LHFPL6: variants seen among roughly 807,000 people sequenced by gnomAD.
The protein encoded by LHFPL6 is LHFPL tetraspan subfamily member 6 protein.
Under a neutral mutation model 20.6 loss-of-function variants are expected in LHFPL6, and 9 were observed. The ratio of observed to expected loss-of-function variants is 0.44; its 90% CI spans 0.26 to 0.76. The LOEUF (loss-of-function observed/expected upper bound fraction) is 0.76. Among genes scored for constraint, LHFPL6 ranks in the 30% least tolerant of loss-of-function variants. The pLI, the probability that LHFPL6 is intolerant of heterozygous loss-of-function variation, is 0.20. For synonymous variants in LHFPL6, 105 were observed against 98.7 expected (o/e 1.06, Z -0.38); for missense variants, 218 against 253.5 (o/e 0.86, Z 0.95).
intron 2 of LHFPL6, among the ~76,000 whole-genome samples, chr13:39,498,619 C>G (rs1030143685): frequency 6.6e-6 from 1 of 152,200 alleles, no homozygotes; most frequent in Non-Finnish European, 1.5e-5. Context: ...GCCCAGCTCT[C>G]AAAGCGTAAA....
At chr13:39,492,962 G>C (rs973647961) in intron 2 of LHFPL6, among the ~76,000 whole-genome samples, 4 of 151,940 alleles carry the variant, frequency 2.6e-5, no homozygotes, top group Non-Finnish European at 4.4e-5. Context: ...TTATAGGTGT[G>C]AGCCACTGCG....
chr13:39,382,322 C>T (rs1411719494), intron 2 of LHFPL6, among the ~76,000 whole-genome samples: 1 of 152,206 alleles, frequency 6.6e-6, no homozygotes, highest in Non-Finnish European at 1.5e-5. Flanking sequence ...CAAACTTTGT[C>T]TCTTGCGTTC....
intron 2 of LHFPL6, among the ~76,000 whole-genome samples, chr13:39,424,927 T>C (rs1871598429): frequency 6.6e-6 from 1 of 152,264 alleles, no homozygotes. Flanking sequence ...AAGCAACATA[T>C]AATAAATGCC....
intron 3 of LHFPL6, among the ~76,000 whole-genome samples, chr13:39,373,734 T>C (rs1870218032): frequency 1.3e-5 from 2 of 152,168 alleles, no homozygotes; most frequent in South Asian, 4.2e-4. Context: ...CTTGCTTTTG[T>C]AAATAAAGTT....
At chr13:39,483,788 C>T (rs1027976954) in intron 2 of LHFPL6, among the ~76,000 whole-genome samples, 1 of 152,138 alleles carries the variant, frequency 6.6e-6, no homozygotes, top group Non-Finnish European at 1.5e-5. Context: ...CCAGCACTTG[C>T]TTGTGATTAT....
intron 2 of LHFPL6, among the ~76,000 whole-genome samples, 187 bp from the exon 3 acceptor site, chr13:39,378,713 G>GA (rs1212059869): frequency 5.3e-5 from 8 of 151,290 alleles, no homozygotes; most frequent in Admixed American, 1.3e-4. Context: ...CAGCTTAAAA[G>GA]AAAAAAAAAC....
intron 2 of LHFPL6, among the ~76,000 whole-genome samples, chr13:39,501,340 T>C (rs1869287728): frequency 1.3e-5 from 2 of 152,238 alleles, no homozygotes; most frequent in African/African-American, 4.8e-5. Flanking sequence ...CTTATTCTAT[T>C]ACTTTGCGCT....
chr13:39,561,381 T>A (rs1871477766), intron 2 of LHFPL6, among the ~76,000 whole-genome samples: 1 of 152,104 alleles, frequency 6.6e-6, no homozygotes, highest in Non-Finnish European at 1.5e-5. Flanking sequence ...GTTAATAAGA[T>A]CCCCACAACT....
chr13:39,555,500 T>C (rs1871279639), intron 2 of LHFPL6, among the ~76,000 whole-genome samples: 6 of 152,196 alleles, frequency 3.9e-5, no homozygotes, highest in Admixed American at 3.9e-4. Flanking sequence ...GCAAAGTCTC[T>C]CAATTTCTCT....
intron 2 of LHFPL6, among the ~76,000 whole-genome samples, chr13:39,409,678 G>A (rs73173498): frequency 0.088 from 13,403 of 151,968 alleles, 765 homozygotes; most frequent in South Asian, 0.2. Context: ...TACTTCTTAT[G>A]TTTCCTAAAG....
intron 2 of LHFPL6, among the ~76,000 whole-genome samples, chr13:39,448,669 T>C (rs545119419): frequency 2.0e-4 from 31 of 152,370 alleles, no homozygotes; most frequent in African/African-American, 6.7e-4. Context: ...ACAGAACTTT[T>C]GGTTGTCCAA....
At chr13:39,465,549 G>A (rs12583593) in intron 2 of LHFPL6, among the ~76,000 whole-genome samples, 23,757 of 152,074 alleles carry the variant, frequency 0.16, 3,458 homozygotes, top group East Asian at 0.51. Context: ...ACTGCCACCC[G>A]CAGTGCCGGG....
At chr13:39,552,308 C>T (rs1414110167) in intron 2 of LHFPL6, among the ~76,000 whole-genome samples, 3 of 152,148 alleles carry the variant, frequency 2.0e-5, no homozygotes, top group South Asian at 2.1e-4. Flanking sequence ...AGAACACACA[C>T]AACCATATTC....
At chr13:39,538,169 T>C (rs1870685407) in intron 2 of LHFPL6, among the ~76,000 whole-genome samples, 1 of 151,692 alleles carries the variant, frequency 6.6e-6, no homozygotes, top group South Asian at 2.1e-4. Flanking sequence ...TTTGTATTTT[T>C]AGTAGAGACG....
At chr13:39,542,787 T>C (rs1161158400) in intron 2 of LHFPL6, among the ~76,000 whole-genome samples, 2 of 152,274 alleles carry the variant, frequency 1.3e-5, no homozygotes, top group African/African-American at 2.4e-5. Flanking sequence ...GAGCCCGTTA[T>C]GTGCTAAGTC....
intron 3 of LHFPL6, among the ~76,000 whole-genome samples, chr13:39,377,000 C>T (rs1295928249): frequency 6.6e-6 from 1 of 152,178 alleles, no homozygotes; most frequent in Non-Finnish European, 1.5e-5. Context: ...GATTATCTGA[C>T]CTTCCTCTGA....
At chr13:39,409,167 T>C (rs1224871217) in intron 2 of LHFPL6, among the ~76,000 whole-genome samples, 1 of 152,110 alleles carries the variant, frequency 6.6e-6, no homozygotes, top group Non-Finnish European at 1.5e-5. Flanking sequence ...CAAATTGAAA[T>C]GTACTGCCAG....
At chr13:39,346,177 C>T (rs981955525) in intron 3 of LHFPL6, among the ~76,000 whole-genome samples, 5 of 152,084 alleles carry the variant, frequency 3.3e-5, no homozygotes, top group Admixed American at 2.0e-4. Flanking sequence ...AAAAAGGCAA[C>T]GCAAGACAGA....
At chr13:39,402,198 C>T (rs1284443210) in intron 2 of LHFPL6, among the ~76,000 whole-genome samples, 1 of 152,022 alleles carries the variant, frequency 6.6e-6, no homozygotes, top group Non-Finnish European at 1.5e-5. Flanking sequence ...TTTCATGTTT[C>T]TTTTGCTTTT....
Sources: gnomAD v4.1 joint callset for allele counts (sites outside exome capture counted in the v4.1 genomes callset) on GRCh38, gnomAD v4.1.1 for gene constraint, MANE v1.5 for transcripts, NCBI Gene and HGNC (gene_info 2026-07-23, HGNC 2026-07-21) for gene names.